Variants in PCDHA2 observed in about 807,000 individuals in gnomAD.
PCDHA2 encodes the protein protocadherin alpha 2, also known as protocadherin alpha-2.
Under a neutral mutation model 66.0 loss-of-function variants are expected in PCDHA2, and 58 were observed. That is an observed-to-expected ratio of 0.88 (90% CI 0.71 to 1.09). The LOEUF (loss-of-function observed/expected upper bound fraction) is 1.09, where lower values mean the gene tolerates loss of function less well. PCDHA2 is among the 50% of genes least tolerant of loss of function. PCDHA2 has a pLI of 0.00. For missense variants in PCDHA2, 1,267 were observed against 1,242.3 expected, an observed-to-expected ratio of 1.02 and a Z score of -0.30; for synonymous variants, 634 against 554.0, an observed-to-expected ratio of 1.14 and a Z score of -2.03.
intron 1 of PCDHA2, chr5:140,830,381 C>T: frequency 6.2e-7 from 1 of 1,614,138 alleles, no homozygotes; most frequent in Non-Finnish European, 8.5e-7. Context: ...CGGGGAGGGC[C>T]CACCCAAGAT....
At chr5:140,924,187 G>A (rs1238020963) in intron 1 of PCDHA2, among the ~76,000 whole-genome samples, 1 of 152,220 alleles carries the variant, frequency 6.6e-6, no homozygotes, top group Non-Finnish European at 1.5e-5. Flanking sequence ...CAGAAAATTA[G>A]TTTTGGTTTA....
chr5:140,884,327 G>A (rs1400364790), intron 1 of PCDHA2: 1 of 1,613,894 alleles, frequency 6.2e-7, no homozygotes, highest in Non-Finnish European at 8.5e-7. Context: ...GGCAGGCGCT[G>A]TGGGTCCAGA....
At chr5:140,836,938 A>G in intron 1 of PCDHA2, 1 of 463,722 alleles carries the variant, frequency 2.2e-6, no homozygotes, top group Non-Finnish European at 3.7e-6. Flanking sequence ...AATACTATAG[A>G]TCAAAATCTA....
At chr5:140,915,244 G>A (rs1440851135) in intron 1 of PCDHA2, among the ~76,000 whole-genome samples, 2 of 152,058 alleles carry the variant, frequency 1.3e-5, no homozygotes, top group Non-Finnish European at 2.9e-5. Flanking sequence ...ACCATGCCTG[G>A]CCAGGTTGTT....
intron 1 of PCDHA2, chr5:140,843,878 T>A (rs1234503395): frequency 5.4e-6 from 4 of 744,588 alleles, no homozygotes; most frequent in Non-Finnish European, 8.7e-6. Context: ...CTCAGTGGCA[T>A]AATACAGTAT....
intron 1 of PCDHA2, chr5:140,841,300 T>C (rs1305687765): frequency 9.6e-6 from 15 of 1,568,478 alleles, no homozygotes; most frequent in African/African-American, 4.1e-5. Flanking sequence ...TAATATTTTC[T>C]GATAGGAAAC....
intron 1 of PCDHA2, among the ~76,000 whole-genome samples, chr5:140,899,678 G>C (rs1554188694): frequency 6.6e-6 from 1 of 152,210 alleles, no homozygotes; most frequent in Non-Finnish European, 1.5e-5. Flanking sequence ...TTGGTATCAG[G>C]ATGATGCTGG....
intron 1 of PCDHA2, chr5:140,875,824 C>T (rs1554167977): frequency 7.4e-6 from 12 of 1,614,156 alleles, no homozygotes; most frequent in East Asian, 2.2e-5. Context: ...GCAGGTTTTC[C>T]ATGTGGACGT....
chr5:141,002,166 G>A (rs1212034616), intron 3 of PCDHA2, among the ~76,000 whole-genome samples: 1 of 152,234 alleles, frequency 6.6e-6, no homozygotes, highest in Non-Finnish European at 1.5e-5. Context: ...TGGGCGGTAG[G>A]CAGGCTCCAG....
intron 1 of PCDHA2, chr5:140,930,420 A>G (rs996872425): frequency 1.3e-5 from 2 of 151,962 alleles, no homozygotes; most frequent in Non-Finnish European, 2.9e-5. Context: ...CAGGGGTCTC[A>G]CTATGTTGCC....
intron 1 of PCDHA2, chr5:140,824,308 G>A (rs1768081787): frequency 2.5e-6 from 2 of 784,768 alleles, no homozygotes; most frequent in South Asian, 3.5e-5. Flanking sequence ...TGGGGTAATA[G>A]ATTCATCAGC....
chr5:140,829,165 T>G lies in PCDHA2; in HGVS notation c.2388+31813T>G, dbSNP rs141910594. The G allele has an allele frequency of 2.8e-4, 449 of 1,614,128 alleles. 1 individual carries two copies. The highest frequency in any genetic ancestry group is 5.0e-4 in the Admixed American group (30 of 60,032). ...TAGCACTGACTTCCTTATCCTTGCC[T>G]GTACGTGAAGACGCTCAATTTGGTA... On this transcript the variant is annotated intron_variant, in intron 1 of 3. Transcript: ENST00000526136.
At position 140,796,862 on chromosome 5, in the gene PCDHA2, C is replaced by A. The variant is rs1554120167; in HGVS notation, c.1898C>A (p.Thr633Lys). The change falls in exon 1 of 4, where the codon ACG becomes AAG. Residue 633 changes from threonine (T) to lysine (K), a missense_variant. Thr to Lys is a moderately conservative substitution (Grantham distance 78). Coordinates refer to ENST00000526136, the MANE Select transcript of PCDHA2 (RefSeq NM_018905.3). ...RVGLYTGEIS[T>K]TRALDEADSP... ...GGGCTATACACGGGTGAGATCAGCA[C>A]GACACGTGCCCTAGACGAGGCTGAC... 6.2e-7 allele frequency: 1 copy of A among 1,613,960 alleles called. No individual in the cohort carries two copies. Among genetic ancestry groups the A allele is most frequent in the Non-Finnish European group, 8.5e-7 (1 of 1,179,994 alleles).
At chr5:140,907,134 C>A (rs1167927748) in intron 1 of PCDHA2, among the ~76,000 whole-genome samples, 1 of 152,112 alleles carries the variant, frequency 6.6e-6, no homozygotes, top group Non-Finnish European at 1.5e-5. Flanking sequence ...CCTGTGAATT[C>A]CGGCTATGGG....
intron 1 of PCDHA2, chr5:140,862,842 G>A (rs1554157108): frequency 1.7e-6 from 1 of 572,982 alleles, no homozygotes. Flanking sequence ...CGGGCATGCC[G>A]CCTCTGAGCA....
At position 140,822,842 on chromosome 5, in the gene PCDHA2, T is replaced by C. The variant is rs1554128917; in HGVS notation, c.2388+25490T>C. 3 of 1,614,234 alleles carry C rather than the reference T, an allele frequency of 1.9e-6. No individual in the cohort carries two copies. The South Asian group carries it at 3.3e-5, about 18-fold the overall frequency. On this transcript the variant is annotated intron_variant, in intron 1 of 3. Coordinates refer to ENST00000526136, the MANE Select transcript of PCDHA2 (RefSeq NM_018905.3). The stretch of plus-strand genomic sequence containing the variant: ...GAGATGGCCATAACCACCCTTTTCC[T>C]GCCTGTCAAAGAGGACGCTCCACTC...
At chr5:140,926,722 C>A in intron 1 of PCDHA2, 1 of 1,027,126 alleles carries the variant, frequency 9.7e-7, no homozygotes, top group East Asian at 3.0e-5. Flanking sequence ...CCCGGCAATG[C>A]CGGCGTTCGG....
At chr5:140,800,897 T>A in intron 1 of PCDHA2, 1 of 388,204 alleles carries the variant, frequency 2.6e-6, no homozygotes, top group Non-Finnish European at 4.2e-6. Context: ...CTTTGAGGAG[T>A]GACCGAAGGA....
At position 140,824,610 on chromosome 5, in the gene PCDHA2, G is replaced by GTTTTTTTTTTTTTTTTTTTTTT. The variant is rs782443702; in HGVS notation, c.2388+27259_2388+27280dup. ...GGACTACATGCACATGCTAATTAAA[G>GTTTTTTTTTTTTTTTTTTTTTT]TTTTTTTTTTTTTTTTTTTTTTATT... On this transcript the variant is annotated intron_variant, in intron 1 of 3. Coordinates refer to ENST00000526136, the MANE Select transcript of PCDHA2 (RefSeq NM_018905.3). 6 of 95,112 alleles carry GTTTTTTTTTTTTTTTTTTTTTT rather than the reference G, an allele frequency of 6.3e-5. 1 individual carries two copies. Among genetic ancestry groups the GTTTTTTTTTTTTTTTTTTTTTT allele is most frequent in the African/African-American group, 2.4e-4 (5 of 20,574 alleles). 5.9% of individuals were successfully genotyped at this position (95,112 alleles called of 1,614,324 possible).
Sources: allele counts gnomAD v4.1 joint callset (sites outside exome capture counted in the v4.1 genomes callset), GRCh38; gene constraint gnomAD v4.1.1; transcripts MANE v1.5; gene names NCBI Gene and HGNC (gene_info 2026-07-23, HGNC 2026-07-21).